ADGRL3: variants seen among roughly 807,000 people sequenced by gnomAD.
ADGRL3 encodes the protein calcium-independent alpha-latrotoxin receptor 3.
ADGRL3 carries 62 observed loss-of-function variants against 153.5 expected under a neutral mutation model. The observed-to-expected ratio is 0.40, with a 90% confidence interval of 0.33 to 0.50. The LOEUF is 0.50. Ranked by LOEUF, ADGRL3 falls within the 20% of genes least tolerant of loss-of-function variation. The probability of loss-of-function intolerance (pLI) is 0.47; values close to 1 mark genes in which losing one functional copy is unlikely to be tolerated. For synonymous variants in ADGRL3, 710 were observed against 672.5 expected (o/e 1.06, Z -0.86); for missense variants, 1,641 against 1,859.4 (o/e 0.88, Z 2.16).
At chr4:61,805,812 C>T (rs1340421065) in intron 8 of ADGRL3, among the ~76,000 whole-genome samples, 1 of 152,044 alleles carries the variant, frequency 6.6e-6, no homozygotes, top group Non-Finnish European at 1.5e-5. Flanking sequence ...GGGTTAAAAT[C>T]ACTGCTTGGT....
At chr4:61,833,734 T>G (rs1301424372) in intron 9 of ADGRL3, among the ~76,000 whole-genome samples, 1 of 152,136 alleles carries the variant, frequency 6.6e-6, no homozygotes, top group Non-Finnish European at 1.5e-5. Context: ...TTGTGGCTAA[T>G]TTGTTAGTCC....
chr4:61,359,428 G>T (rs1331754876), intron 1 of ADGRL3, among the ~76,000 whole-genome samples: 1 of 152,134 alleles, frequency 6.6e-6, no homozygotes, highest in Admixed American at 6.6e-5. Flanking sequence ...TTGGCTGTCT[G>T]ATCCCTCCTA....
chr4:61,971,417 T>C (rs1335978510), intron 17 of ADGRL3, among the ~76,000 whole-genome samples: 2 of 152,300 alleles, frequency 1.3e-5, no homozygotes, highest in African/African-American at 4.8e-5. Flanking sequence ...GTTTGGTTTT[T>C]TGTCCTTGCA....
intron 4 of ADGRL3, among the ~76,000 whole-genome samples, chr4:61,561,059 T>C (rs2098793109): frequency 6.6e-6 from 1 of 152,164 alleles, no homozygotes; most frequent in Non-Finnish European, 1.5e-5. Flanking sequence ...GAATGTGCAT[T>C]ATTAATAAGG....
intron 20 of ADGRL3, among the ~76,000 whole-genome samples, chr4:61,996,592 TAGCTACTCA>T (rs1048802766): frequency 6.6e-6 from 1 of 152,208 alleles, no homozygotes; most frequent in African/African-American, 2.4e-5. Flanking sequence ...TGGAGTGTTA[TAGCTACTCA>T]AGGGTCCAAT....
chr4:61,833,535 G>C (rs538123397), intron 9 of ADGRL3, among the ~76,000 whole-genome samples: 2 of 152,162 alleles, frequency 1.3e-5, no homozygotes, highest in Admixed American at 6.5e-5. Context: ...CTGTCTTCTC[G>C]GATTGAGTCA....
chr4:61,901,829 T>C (rs1015551005), intron 11 of ADGRL3, among the ~76,000 whole-genome samples: 7 of 152,176 alleles, frequency 4.6e-5, no homozygotes, highest in African/African-American at 1.7e-4. Context: ...ATTCAAGTCC[T>C]AGATATAATC....
At chr4:61,618,061 A>T (rs1342744340) in intron 5 of ADGRL3, among the ~76,000 whole-genome samples, 1 of 152,156 alleles carries the variant, frequency 6.6e-6, no homozygotes, top group African/African-American at 2.4e-5. Flanking sequence ...AGATAATTTC[A>T]GTCTAATACT....
At chr4:62,046,786 T>G (rs1379164412) in intron 25 of ADGRL3, among the ~76,000 whole-genome samples, 2 of 151,990 alleles carry the variant, frequency 1.3e-5, no homozygotes, top group Non-Finnish European at 2.9e-5. Context: ...GATTAATTTC[T>G]TAGTCCCCCT....
At chr4:61,972,531 A>G (rs1027357815) in intron 17 of ADGRL3, among the ~76,000 whole-genome samples, 2 of 152,144 alleles carry the variant, frequency 1.3e-5, no homozygotes, top group African/African-American at 4.8e-5. Context: ...CTGTTTTGGT[A>G]GCTGTACCAT....
chr4:61,746,669 G>C (rs943961479), intron 8 of ADGRL3, among the ~76,000 whole-genome samples: 6 of 152,138 alleles, frequency 3.9e-5, no homozygotes, highest in Non-Finnish European at 7.3e-5. Flanking sequence ...CAAGAACAAA[G>C]AAACAACATA....
intron 1 of ADGRL3, among the ~76,000 whole-genome samples, chr4:61,234,029 G>A (rs1751832371): frequency 6.6e-6 from 1 of 152,020 alleles, no homozygotes; most frequent in African/African-American, 2.4e-5. Flanking sequence ...TTTCAATGTA[G>A]GACATTTCTA....
chr4:61,675,397 G>A (rs1011247059), intron 5 of ADGRL3, among the ~76,000 whole-genome samples: 1 of 151,774 alleles, frequency 6.6e-6, no homozygotes, highest in Admixed American at 6.6e-5. Context: ...AATATTATGG[G>A]TAGGAAAAAC....
intron 1 of ADGRL3, among the ~76,000 whole-genome samples, chr4:61,278,016 C>T (rs2093554306): frequency 6.6e-6 from 1 of 152,076 alleles, no homozygotes; most frequent in Non-Finnish European, 1.5e-5. Flanking sequence ...TGACTGTGAG[C>T]AGTCAACAAT....
intron 5 of ADGRL3, among the ~76,000 whole-genome samples, chr4:61,643,925 C>CT (rs2150234040): frequency 7.1e-6 from 1 of 139,954 alleles, no homozygotes; most frequent in Non-Finnish European, 1.6e-5. Context: ...GTCCTGGACT[C>CT]TTTTTGGTTG....
At chr4:61,472,243 T>A (rs1042310014) in intron 2 of ADGRL3, among the ~76,000 whole-genome samples, 4 of 152,268 alleles carry the variant, frequency 2.6e-5, no homozygotes, top group Non-Finnish European at 5.9e-5. Flanking sequence ...ATGTTATTTT[T>A]GATGTTATCT....
chr4:61,615,106 T>C (rs2091845709), intron 5 of ADGRL3, among the ~76,000 whole-genome samples: 1 of 152,140 alleles, frequency 6.6e-6, no homozygotes, highest in Non-Finnish European at 1.5e-5. Flanking sequence ...AAGCTATTAA[T>C]TTATGGCATA....
intron 6 of ADGRL3, among the ~76,000 whole-genome samples, chr4:61,682,869 C>A (rs1323267291): frequency 6.6e-6 from 1 of 152,060 alleles, no homozygotes; most frequent in Non-Finnish European, 1.5e-5. Flanking sequence ...CTACTGCATA[C>A]CAGGCACTAT....
At chr4:62,069,771 G>C (rs987922343) in intron 26 of ADGRL3, among the ~76,000 whole-genome samples, 1 of 152,016 alleles carries the variant, frequency 6.6e-6, no homozygotes, top group Non-Finnish European at 1.5e-5. Context: ...AAAATTTTAT[G>C]TTATTTTGTC....
Sources: allele counts gnomAD v4.1 joint callset (sites outside exome capture counted in the v4.1 genomes callset), GRCh38; gene constraint gnomAD v4.1.1; transcripts MANE v1.5; gene names NCBI Gene and HGNC (gene_info 2026-07-23, HGNC 2026-07-21).